The following ZWILCH variants were observed in gnomAD, a reference collection of about 807,000 sequenced individuals.
The protein encoded by ZWILCH is zwilch kinetochore protein, also known as protein zwilch homolog.
Under a neutral mutation model 79.9 loss-of-function variants are expected in ZWILCH, and 74 were observed. The ratio of observed to expected loss-of-function variants is 0.93; its 90% confidence interval spans 0.77 to 1.12. The LOEUF is 1.12. Ranked by LOEUF, ZWILCH falls within the 50% of genes most tolerant of loss-of-function variation. ZWILCH has a pLI of 0.00. For missense variants in ZWILCH, 694 were observed against 687.5 expected, an observed-to-expected ratio of 1.01 and a Z score of -0.11; for synonymous variants, 241 against 228.2, an observed-to-expected ratio of 1.06 and a Z score of -0.51.
intron 11 of ZWILCH, 108 bp downstream of exon 11, chr15:66,529,065 TCTTAA>T (rs1425860116): frequency 4.9e-6 from 4 of 819,650 alleles, no homozygotes; most frequent in Non-Finnish European, 7.8e-6. Flanking sequence ...GAAGTCTGGT[TCTTAA>T]CTTTATCTAA....
At position 66,537,182 on chromosome 15, in the gene ZWILCH, A is replaced by G. The variant is rs569962378; in HGVS notation, c.1493A>G (p.Tyr498Cys). ...LFSLTQICIK[Y>C]YKQNPLDEQH... Reference sequence around the variant, plus strand: ...TGTTTTTTCAGGATCTGCATAAAGTATTACAAACAAAATCCTCTTGATGAG... The same window carrying G: ...TGTTTTTTCAGGATCTGCATAAAGTGTTACAAACAAAATCCTCTTGATGAG... The change falls in exon 16 of 19, where the codon TAT (tyrosine) becomes TGT (cysteine). Residue 498 changes from tyrosine to cysteine, a missense_variant. Tyr to Cys is a radical substitution (Grantham distance 194). Transcript: ENST00000307897. 6.2e-7 allele frequency: 1 copy of G among 1,613,444 alleles called. No individual in the cohort carries two copies. Among genetic ancestry groups the G allele is most frequent in the East Asian group, 2.2e-5 (1 of 44,880 alleles).
Position 66,540,186 on chromosome 15 carries a change from G to C in ZWILCH, c.1663G>C (p.Asp555His). ...VWQLSDSSPI[D>H]HLNFHKPDFS... ...GCAACTGAGTGACAGCTCACCCATA[G>C]ACCATCTGAATTTTCACAAACCTGG... Residue 555 changes from aspartate (D) to histidine (H), a missense_variant, in exon 17 of 19, where the codon GAC becomes CAC. Physicochemically the swap from Asp to His is moderately conservative, Grantham distance 81. Coordinates refer to ENST00000307897, the MANE Select transcript of ZWILCH (RefSeq NM_017975.5). 3.1e-6 allele frequency: 5 copies of C among 1,612,348 alleles called. No homozygotes were observed. The highest frequency in any genetic ancestry group is 4.2e-6 in the Non-Finnish European group (5 of 1,179,040).
intron 16 of ZWILCH, among the ~76,000 whole-genome samples, chr15:66,539,137 T>C (rs780301329): frequency 4.6e-5 from 7 of 152,092 alleles, no homozygotes; most frequent in Non-Finnish European, 7.4e-5. Context: ...TTAATCTCTA[T>C]CTAATGGCCA....
rs567382942 is a variant in ZWILCH, at chr15:66,548,575, G to A, written c.*251G>A. On this transcript the variant is annotated 3_prime_UTR_variant, in exon 19 of 19. Transcript: ENST00000307897. ...GCAGACAGTGGGTACCACGATCTCC[G>A]TAACCATTTGCATGTGACTTAGCAA... 154 of 1,611,472 alleles carry A rather than the reference G, an allele frequency of 9.6e-5. No homozygotes were observed. The South Asian group carries it at 1.4e-3, about 14-fold the overall frequency.
chr15:66,535,827 C>A (rs1367501870), intron 14 of ZWILCH, 106 bp from the exon 15 acceptor site: 2 of 883,030 alleles, frequency 2.3e-6, no homozygotes, highest in Non-Finnish European at 3.2e-6. Flanking sequence ...TTTTTAATGC[C>A]TGTTATCAAG....
intron 1 of ZWILCH, among the ~76,000 whole-genome samples, chr15:66,507,796 G>A (rs1330523061): frequency 6.6e-6 from 1 of 152,098 alleles, no homozygotes; most frequent in Non-Finnish European, 1.5e-5. Context: ...AACCCGGCGT[G>A]GTGGCAGGCT....
At chr15:66,508,979 A>C in intron 2 of ZWILCH, 87 bp downstream of exon 2, 1 of 1,385,814 alleles carries the variant, frequency 7.2e-7, no homozygotes, top group Non-Finnish European at 1.0e-6. Flanking sequence ...ATGCTCTGTT[A>C]CCCAGGCTGG....
chr15:66,508,711 C>T (rs893508637), intron 1 of ZWILCH, 130 bp from the exon 2 acceptor site: 3 of 1,445,692 alleles, frequency 2.1e-6, no homozygotes, highest in Non-Finnish European at 2.7e-6. Context: ...CATCTTAGGG[C>T]TGCTGTAAGT....
chr15:66,527,010 T>C (rs1172676866), intron 8 of ZWILCH, among the ~76,000 whole-genome samples: 1 of 152,156 alleles, frequency 6.6e-6, no homozygotes, highest in Non-Finnish European at 1.5e-5. Flanking sequence ...ATCAGACCAC[T>C]GGGTATATAT....
chr15:66,542,567 A>G (rs918176934), intron 17 of ZWILCH, among the ~76,000 whole-genome samples: 1 of 152,158 alleles, frequency 6.6e-6, no homozygotes, highest in Non-Finnish European at 1.5e-5. Context: ...CCTGGGTGAC[A>G]GAGCAAGATT....
intron 16 of ZWILCH, among the ~76,000 whole-genome samples, chr15:66,539,625 C>T (rs887957311): frequency 6.6e-6 from 1 of 152,162 alleles, no homozygotes; most frequent in African/African-American, 2.4e-5. Flanking sequence ...ATTCAAATCC[C>T]ACCAGGACTT....
chr15:66,541,294 C>A (rs544804080), intron 17 of ZWILCH, among the ~76,000 whole-genome samples: 3 of 151,314 alleles, frequency 2.0e-5, no homozygotes, highest in South Asian at 4.2e-4. Context: ...CAGAAACACA[C>A]CACACACACA....
At chr15:66,517,445 TATATATATATAGTAATGTACACAC>T (rs1451995111) in intron 4 of ZWILCH, among the ~76,000 whole-genome samples, 2 of 137,114 alleles carry the variant, frequency 1.5e-5, no homozygotes, top group African/African-American at 5.3e-5. Flanking sequence ...TATATATATA[TATATATATATAGTAATGTACACAC>T]ATACACCATT....
At chr15:66,517,611 T>C (rs1894332063) in intron 4 of ZWILCH, among the ~76,000 whole-genome samples, 1 of 149,978 alleles carries the variant, frequency 6.7e-6, no homozygotes, top group South Asian at 2.1e-4. Context: ...TCTGGAAATC[T>C]AACATTATTA....
At chr15:66,506,889 G>A (rs1029414830) in intron 1 of ZWILCH, among the ~76,000 whole-genome samples, 5 of 147,518 alleles carry the variant, frequency 3.4e-5, no homozygotes, top group African/African-American at 1.3e-4. Context: ...ATGGAGTCTC[G>A]CTGTGTTGCC....
At chr15:66,508,224 T>G (rs887313102) in intron 1 of ZWILCH, among the ~76,000 whole-genome samples, 2 of 152,244 alleles carry the variant, frequency 1.3e-5, no homozygotes, top group Non-Finnish European at 2.9e-5. Context: ...ACAGTTTAAG[T>G]GCTTTAGATT....
chr15:66,530,638 TA>T (rs1321954857), intron 12 of ZWILCH, among the ~76,000 whole-genome samples: 1 of 151,992 alleles, frequency 6.6e-6, no homozygotes, highest in African/African-American at 2.4e-5. Context: ...CTCCGTCTCA[TA>T]AAAAACAAGT....
chr15:66,533,649 A>G (rs1468383167), intron 14 of ZWILCH, among the ~76,000 whole-genome samples: 1 of 152,158 alleles, frequency 6.6e-6, no homozygotes, highest in Non-Finnish European at 1.5e-5. Flanking sequence ...AATTTTTACT[A>G]TTCAAATTTT....
rs184946299 is a variant in ZWILCH at position 66,509,182 on chromosome 15, C to T, written c.105+290C>T. ...GTCTCGATCTCCTGACCTCATGATC[C>T]GCCCGCCTCGGCCTCCCAAAGTGCT... On this transcript the variant is annotated intron_variant, in intron 2 of 18. Transcript: ENST00000307897. Among the ~76,000 whole-genome samples, 7 of 152,188 alleles carry T rather than the reference C, an allele frequency of 4.6e-5. No homozygotes were observed. The East Asian group carries it at 5.8e-4, about 13-fold the overall frequency.
Sources: gnomAD v4.1 joint callset for allele counts (sites outside exome capture counted in the v4.1 genomes callset) on GRCh38, gnomAD v4.1.1 for gene constraint, MANE v1.5 for transcripts, NCBI Gene and HGNC (gene_info 2026-07-23, HGNC 2026-07-21) for gene names.